The following TENM4 variants were observed in gnomAD, a reference collection of about 807,000 sequenced individuals.
TENM4 encodes the protein teneurin-4.
A neutral mutation model predicts 243.3 loss-of-function variants in TENM4; 82 were observed. The observed-to-expected ratio is 0.34, with a 90% confidence interval of 0.28 to 0.40. The LOEUF is 0.40. Among genes scored for constraint, TENM4 ranks in the 10% least tolerant of loss-of-function variants. TENM4 has a pLI of 1.00. For synonymous variants in TENM4, 1,412 were observed against 1,456.3 expected (o/e 0.97, Z 0.69); for missense variants, 3,138 against 3,673.3 (o/e 0.85, Z 3.77).
chr11:78,781,576 T>C (rs1287614641), intron 16 of TENM4, among the ~76,000 whole-genome samples: 4 of 152,152 alleles, frequency 2.6e-5, no homozygotes, highest in Non-Finnish European at 5.9e-5. Flanking sequence ...TTTCCAAAAG[T>C]TTCTCTTGGG....
chr11:79,321,827 G>C (rs1264112632), intron 1 of TENM4, among the ~76,000 whole-genome samples: 3 of 152,090 alleles, frequency 2.0e-5, no homozygotes, highest in Non-Finnish European at 4.4e-5. Context: ...GGTATCAGAA[G>C]GGCTACGTAT....
chr11:78,798,745 T>G (rs1857219226), intron 15 of TENM4, among the ~76,000 whole-genome samples: 1 of 152,004 alleles, frequency 6.6e-6, no homozygotes, highest in South Asian at 2.1e-4. Context: ...TGGCCTGCAC[T>G]GCCCTCTCCT....
At chr11:78,910,013 C>T (rs528868719) in intron 6 of TENM4, among the ~76,000 whole-genome samples, 15 of 152,272 alleles carry the variant, frequency 9.9e-5, no homozygotes, top group African/African-American at 2.9e-4. Flanking sequence ...GTGCCTCCCT[C>T]GTGGAAAGAT....
chr11:79,228,774 G>A (rs753014624), intron 2 of TENM4, among the ~76,000 whole-genome samples: 1 of 152,032 alleles, frequency 6.6e-6, no homozygotes, highest in Non-Finnish European at 1.5e-5. Context: ...AAATTGCCAC[G>A]ATAGCACAGA....
At chr11:79,219,320 G>T (rs1315753593) in intron 2 of TENM4, among the ~76,000 whole-genome samples, 1 of 152,206 alleles carries the variant, frequency 6.6e-6, no homozygotes, top group Non-Finnish European at 1.5e-5. Flanking sequence ...TGGGGAATGT[G>T]GTCATTGTTC....
At chr11:78,793,737 T>C (rs1857106938) in intron 15 of TENM4, among the ~76,000 whole-genome samples, 1 of 152,246 alleles carries the variant, frequency 6.6e-6, no homozygotes, top group Non-Finnish European at 1.5e-5. Context: ...AGTCCTGCAA[T>C]GATGCTTTCA....
chr11:79,272,816 T>C (rs1382707405), intron 2 of TENM4, among the ~76,000 whole-genome samples: 1 of 152,196 alleles, frequency 6.6e-6, no homozygotes, highest in Non-Finnish European at 1.5e-5. Flanking sequence ...CATTCCATAT[T>C]AAATGGATTG....
intron 7 of TENM4, among the ~76,000 whole-genome samples, chr11:78,895,261 A>G (rs143009674): frequency 0.023 from 3,414 of 151,636 alleles, 90 homozygotes; most frequent in African/African-American, 0.064. Flanking sequence ...GCTTGGACCC[A>G]GGAGGCAGAG....
intron 4 of TENM4, among the ~76,000 whole-genome samples, chr11:79,126,313 A>G (rs1861875121): frequency 6.6e-6 from 1 of 152,190 alleles, no homozygotes; most frequent in South Asian, 2.1e-4. Flanking sequence ...TGTGAAATAG[A>G]TTTGTGAGGG....
At chr11:79,146,073 C>T (rs968922280) in intron 4 of TENM4, among the ~76,000 whole-genome samples, 1 of 152,194 alleles carries the variant, frequency 6.6e-6, no homozygotes. Flanking sequence ...CATCTTTACC[C>T]ACTCTGTGGG....
intron 6 of TENM4, among the ~76,000 whole-genome samples, chr11:78,916,141 T>A (rs1045344985): frequency 6.6e-6 from 1 of 152,208 alleles, no homozygotes; most frequent in Non-Finnish European, 1.5e-5. Context: ...GGAACAAAGT[T>A]TGAAACCAGG....
chr11:79,434,848 T>C (rs1221609655), intron 1 of TENM4, among the ~76,000 whole-genome samples: 2 of 152,094 alleles, frequency 1.3e-5, no homozygotes, highest in Non-Finnish European at 2.9e-5. Flanking sequence ...TAGGAATTCA[T>C]CTTAAGGAAA....
Position 78,708,414 on chromosome 11 carries a change from C to CA in TENM4, c.4155dup (p.Asp1386Ter), listed in dbSNP as rs1386163553. 1 of 1,614,008 alleles carries CA rather than the reference C, an allele frequency of 6.2e-7. No individual in the cohort carries two copies. Among genetic ancestry groups the CA allele is most frequent in the Non-Finnish European group, 8.5e-7 (1 of 1,179,892 alleles). ...CTGAGTGGCCGGGCTGATGTGAGAT[C>CA]ATTAGAGCCGAGCAGGGTGGAGATG... On this transcript the variant is annotated frameshift_variant, in exon 27 of 34. Coordinates refer to ENST00000278550, the MANE Select transcript of TENM4 (RefSeq NM_001098816.3). LOFTEE classifies it high-confidence loss of function.
chr11:79,054,657 TTTG>T (rs983845279), intron 6 of TENM4, among the ~76,000 whole-genome samples: 4 of 152,136 alleles, frequency 2.6e-5, no homozygotes, highest in Non-Finnish European at 5.9e-5. Flanking sequence ...TTGGCTATTT[TTTG>T]TTGTTGTTAT....
intron 4 of TENM4, among the ~76,000 whole-genome samples, chr11:79,074,310 G>A (rs919448064): frequency 1.3e-5 from 2 of 152,032 alleles, no homozygotes; most frequent in Admixed American, 1.3e-4. Flanking sequence ...TGCTCCCTCT[G>A]GAGCAAGGGA....
At chr11:79,085,949 C>T (rs990265260) in intron 4 of TENM4, among the ~76,000 whole-genome samples, 2 of 152,170 alleles carry the variant, frequency 1.3e-5, no homozygotes, top group African/African-American at 4.8e-5. Flanking sequence ...CTACTATGTA[C>T]AGTCACCAAT....
chr11:78,697,518 C>T (rs772258777), intron 28 of TENM4, among the ~76,000 whole-genome samples: 11 of 152,160 alleles, frequency 7.2e-5, no homozygotes, highest in Non-Finnish European at 1.2e-4. Context: ...TTCTATGTCC[C>T]GTTGGGAGCA....
At chr11:79,059,820 G>A (rs561465142) in intron 6 of TENM4, among the ~76,000 whole-genome samples, 1 of 152,192 alleles carries the variant, frequency 6.6e-6, no homozygotes, top group African/African-American at 2.4e-5. Flanking sequence ...GCTCCAAGAG[G>A]TGAAATGCCT....
intron 6 of TENM4, among the ~76,000 whole-genome samples, chr11:78,981,348 A>T (rs1465509720): frequency 6.6e-6 from 1 of 152,210 alleles, no homozygotes; most frequent in Non-Finnish European, 1.5e-5. Flanking sequence ...TCCCCACGAC[A>T]GTCCTGTGGT....
Sources: gnomAD v4.1 joint callset for allele counts (sites outside exome capture counted in the v4.1 genomes callset) on GRCh38, gnomAD v4.1.1 for gene constraint, MANE v1.5 for transcripts, NCBI Gene and HGNC (gene_info 2026-07-23, HGNC 2026-07-21) for gene names.